PCDHA1: variants seen among roughly 807,000 people sequenced by gnomAD.
The protein encoded by PCDHA1 is protocadherin alpha 1, also known as protocadherin alpha-1.
In PCDHA1, 42 loss-of-function variants were observed where a neutral mutation model predicts 61.3. That is an observed-to-expected ratio of 0.69 (90% CI 0.54 to 0.89). The LOEUF (loss-of-function observed/expected upper bound fraction) is 0.89, where lower values mean the gene tolerates loss of function less well. Ranked by LOEUF, PCDHA1 falls within the 40% of genes least tolerant of loss-of-function variation. PCDHA1 has a pLI of 0.00. For synonymous variants in PCDHA1, 610 were observed against 553.8 expected, an observed-to-expected ratio of 1.10 and a Z score of -1.43; for missense variants, 1,256 against 1,235.3, an observed-to-expected ratio of 1.02 and a Z score of -0.25.
chr5:140,948,542 C>A (rs141026678), intron 1 of PCDHA1, among the ~76,000 whole-genome samples: 66 of 151,648 alleles, frequency 4.4e-4, no homozygotes, highest in African/African-American at 1.5e-3. Flanking sequence ...ATTTCATGCT[C>A]TGTCAATTTT....
At chr5:140,883,526 G>A (rs1554178547) in intron 1 of PCDHA1, 2 of 1,614,226 alleles carry the variant, frequency 1.2e-6, no homozygotes, top group East Asian at 2.2e-5. Flanking sequence ...GAGCGTATCA[G>A]CCTATGAACT....
chr5:140,845,542 A>G (rs927156983), intron 1 of PCDHA1, among the ~76,000 whole-genome samples: 3 of 149,498 alleles, frequency 2.0e-5, no homozygotes, highest in African/African-American at 7.3e-5. Flanking sequence ...TATTCTAATT[A>G]TGGTGATGCT....
chr5:140,871,823 C>T (rs900166925), intron 1 of PCDHA1, among the ~76,000 whole-genome samples: 1 of 152,144 alleles, frequency 6.6e-6, no homozygotes, highest in African/African-American at 2.4e-5. Context: ...TACCCATGCC[C>T]CTTCATCTCT....
At chr5:140,857,655 C>T (rs782490979) in intron 1 of PCDHA1, 1 of 1,596,728 alleles carries the variant, frequency 6.3e-7, no homozygotes, top group Non-Finnish European at 8.6e-7. Context: ...CAGGTGAGCG[C>T]GCGCGATGGG....
chr5:140,817,402 T>A (rs1370832974), intron 1 of PCDHA1: 2 of 152,226 alleles, frequency 1.3e-5, no homozygotes, highest in Non-Finnish European at 2.9e-5. Flanking sequence ...GTCCTTGTAT[T>A]GTTGTTGAGT....
At chr5:140,883,897 G>A in intron 1 of PCDHA1, 1 of 1,613,332 alleles carries the variant, frequency 6.2e-7, no homozygotes, top group Non-Finnish European at 8.5e-7. Flanking sequence ...CTGGCGTGCC[G>A]CCTCTGGGCA....
intron 1 of PCDHA1, chr5:140,808,439 G>T: frequency 6.2e-7 from 1 of 1,614,184 alleles, no homozygotes; most frequent in Non-Finnish European, 8.5e-7. Flanking sequence ...CCGCGAGAGC[G>T]TGTCAGCCTA....
In PCDHA1 at chr5:140,788,548, A is replaced by G. The variant is rs1399334157; in HGVS notation, c.2258A>G (p.Gln753Arg). The G allele has an allele frequency of 3.7e-6, 6 of 1,614,018 alleles. No homozygotes were observed. Among genetic ancestry groups the G allele is most frequent in the Non-Finnish European group, 5.1e-6 (6 of 1,179,974 alleles). ...SALGSWSNSQ[Q>R]RRQRVCSSEG... ...TTGGGGAGCTGGTCGAACTCACAGCAGAGGCGGCAGAGGGTGTGCTCTAGC... is the reference window on the plus strand; with the variant it reads ...TTGGGGAGCTGGTCGAACTCACAGCGGAGGCGGCAGAGGGTGTGCTCTAGC... Residue 753 changes from glutamine to arginine, a missense_variant, in exon 1 of 4, where the codon CAG becomes CGG. Gln to Arg is a conservative substitution (Grantham distance 43). Coordinates refer to ENST00000504120, the MANE Select transcript of PCDHA1 (RefSeq NM_018900.4).
At chr5:140,862,665 G>A (rs1437192786) in intron 1 of PCDHA1, 12 of 547,492 alleles carry the variant, frequency 2.2e-5, no homozygotes, top group Admixed American at 9.6e-5. Flanking sequence ...ACCGGGACGC[G>A]CAGGAGAACG....
intron 1 of PCDHA1, chr5:140,841,631 A>G (rs1256595237): frequency 6.2e-7 from 1 of 1,614,124 alleles, no homozygotes; most frequent in Non-Finnish European, 8.5e-7. Context: ...GGAGTGCAGC[A>G]TCCACCTGGA....
At chr5:140,810,581 C>T (rs1764688212) in intron 1 of PCDHA1, 1 of 152,044 alleles carries the variant, frequency 6.6e-6, no homozygotes, top group Non-Finnish European at 1.5e-5. Context: ...AGTTGAGTAC[C>T]TTTCTATTTT....
At chr5:140,930,175 G>A (rs1554207630) in intron 1 of PCDHA1, 2 of 152,134 alleles carry the variant, frequency 1.3e-5, no homozygotes, top group African/African-American at 4.8e-5. Context: ...TTACAAAGAG[G>A]AAAGATGAGT....
chr5:140,866,915 A>T (rs1413291718), intron 1 of PCDHA1: 1 of 152,138 alleles, frequency 6.6e-6, no homozygotes, highest in African/African-American at 2.4e-5. Flanking sequence ...CTCAAAGATG[A>T]GTTCAAAGGG....
chr5:140,945,534 TACAA>T (rs1326981055), intron 1 of PCDHA1, among the ~76,000 whole-genome samples: 1 of 151,454 alleles, frequency 6.6e-6, no homozygotes, highest in African/African-American at 2.4e-5. Flanking sequence ...AAACAAAACA[TACAA>T]ACAAAAAAAT....
intron 1 of PCDHA1, chr5:140,969,451 T>C (rs1016577934): frequency 3.3e-6 from 5 of 1,511,952 alleles, no homozygotes; most frequent in Non-Finnish European, 3.6e-6. Context: ...GTAAACTGAG[T>C]ATATATAGTA....
At position 140,788,222 on chromosome 5, in the gene PCDHA1, C is replaced by T; in HGVS notation, c.1932C>T (p.Arg644=). ...TCCTGGACGAGGCTGACTTGTCGCGCTACCGCCTTCTGGTGCTAGTGAAGG... is the reference window on the plus strand; with the variant it reads ...TCCTGGACGAGGCTGACTTGTCGCGTTACCGCCTTCTGGTGCTAGTGAAGG... The part of the protein sequence containing the change: ...TRVLDEADLS[R]YRLLVLVKDH... The change falls in exon 1 of 4, where the codon CGC becomes CGT. Residue 644 remains arginine, a synonymous_variant. Transcript: ENST00000504120. 6.2e-7 allele frequency: 1 copy of T among 1,614,052 alleles called. No homozygotes were observed. Among genetic ancestry groups the T allele is most frequent in the Non-Finnish European group, 8.5e-7 (1 of 1,179,944 alleles).
chr5:140,926,323 G>C (rs977416438), intron 1 of PCDHA1: 1 of 152,270 alleles, frequency 6.6e-6, no homozygotes, highest in South Asian at 2.1e-4. Flanking sequence ...GGTGCGCCGG[G>C]GTCAGAGCGC....
intron 1 of PCDHA1, among the ~76,000 whole-genome samples, chr5:140,932,493 T>A (rs148938081): frequency 6.6e-6 from 1 of 152,006 alleles, no homozygotes; most frequent in East Asian, 1.9e-4. Context: ...CTTTGCAATG[T>A]CATTTGTTAA....
chr5:140,842,452 C>G lies in PCDHA1; in HGVS notation c.2394+53768C>G, dbSNP rs1777963024. The G allele has an allele frequency of 8.1e-6, 13 of 1,613,732 alleles. 1 individual carries two copies. The highest frequency in any genetic ancestry group is 2.7e-5 in the African/African-American group (2 of 74,852). On this transcript the variant is annotated intron_variant, in intron 1 of 3. Transcript: ENST00000504120. The stretch of plus-strand genomic sequence containing the variant: ...TCGCCCTAATTAGCGTGAACGACCT[C>G]GATTCAGGTGCCAACGGGCAGGTGA...
Sources: allele counts gnomAD v4.1 joint callset (sites outside exome capture counted in the v4.1 genomes callset), GRCh38; gene constraint gnomAD v4.1.1; transcripts MANE v1.5; gene names NCBI Gene and HGNC (gene_info 2026-07-23, HGNC 2026-07-21).